ADRA1A: variants seen among roughly 807,000 people sequenced by gnomAD.
ADRA1A encodes the protein adrenoceptor alpha 1A, also known as alpha-1A adrenergic receptor.
A neutral mutation model predicts 29.6 loss-of-function variants in ADRA1A; 31 were observed. The observed-to-expected ratio is 1.05, with a 90% CI of 0.79 to 1.41. The LOEUF (loss-of-function observed/expected upper bound fraction) is 1.41, where lower values mean the gene tolerates loss of function less well. ADRA1A is among the 40% of genes most tolerant of loss of function. The pLI, the probability that ADRA1A is intolerant of heterozygous loss-of-function variation, is 0.00. For synonymous variants in ADRA1A, 311 were observed against 254.3 expected (o/e 1.22, Z -2.12); for missense variants, 619 against 601.1 (o/e 1.03, Z -0.31).
chr8:26,788,728 T>C (rs36048812), intron 2 of ADRA1A, among the ~76,000 whole-genome samples: 14,089 of 152,066 alleles, frequency 0.093, 965 homozygotes, highest in East Asian at 0.33. Flanking sequence ...AGAGTGAAGC[T>C]GGGTTCAAAC....
intron 2 of ADRA1A, among the ~76,000 whole-genome samples, chr8:26,808,469 A>T (rs1349653369): frequency 6.6e-6 from 1 of 152,158 alleles, no homozygotes; most frequent in Non-Finnish European, 1.5e-5. Flanking sequence ...CTGATTGTTG[A>T]TGCCTTTTCT....
intron 2 of ADRA1A, among the ~76,000 whole-genome samples, chr8:26,844,640 T>G (rs1812069222): frequency 6.6e-6 from 1 of 152,166 alleles, no homozygotes; most frequent in African/African-American, 2.4e-5. Flanking sequence ...AAAGAATAAT[T>G]TCTTCAATAG....
chr8:26,766,689 G>C (rs533841957), downstream of ADRA1A, among the ~76,000 whole-genome samples: 1 of 152,288 alleles, frequency 6.6e-6, no homozygotes, highest in African/African-American at 2.4e-5. Flanking sequence ...TGCAGGTTGA[G>C]AATAGGGAGA....
intron 2 of ADRA1A, among the ~76,000 whole-genome samples, chr8:26,834,165 T>A (rs1430755412): frequency 1.3e-5 from 2 of 152,154 alleles, no homozygotes; most frequent in African/African-American, 4.8e-5. Flanking sequence ...AACTATAAAA[T>A]ACCAAGGGAT....
chr8:26,864,788 G>C lies in ADRA1A; in HGVS notation c.182C>G (p.Thr61Arg). The change falls in exon 2 of 3, where the codon ACG becomes AGG. Residue 61 changes from threonine to arginine, a missense_variant. Transcript: ENST00000380573. The surrounding 1 kb of genome is among the most constrained non-coding windows in gnomAD (Gnocchi z 8.1). ...VACHRHLHSV[T>R]HYYIVNLAVA... ...CGCCAGGTTGACGATGTAGTAGTGCGTGACTGAGTGCAGGTGTCGGTGACA... is the reference window on the plus strand; with the variant it reads ...CGCCAGGTTGACGATGTAGTAGTGCCTGACTGAGTGCAGGTGTCGGTGACA... 1 of 1,614,164 alleles carries C rather than the reference G, an allele frequency of 6.2e-7. No homozygotes were observed. Among genetic ancestry groups the C allele is most frequent in the Non-Finnish European group, 8.5e-7 (1 of 1,180,030 alleles).
chr8:26,785,480 C>T (rs1291029546), intron 2 of ADRA1A, among the ~76,000 whole-genome samples: 2 of 152,080 alleles, frequency 1.3e-5, no homozygotes, highest in Admixed American at 6.5e-5. Context: ...GTGAGCAAAA[C>T]GACTAGGTTA....
At chr8:26,774,207 CA>C (rs1806374877) in intron 2 of ADRA1A, among the ~76,000 whole-genome samples, 1 of 152,162 alleles carries the variant, frequency 6.6e-6, no homozygotes, top group African/African-American at 2.4e-5. Flanking sequence ...ATAGTTCCAC[CA>C]GGGGCAGGTT....
In ADRA1A at chr8:26,865,243, C is replaced by A; in HGVS notation, c.-274G>T. The A allele has an allele frequency of 7.7e-7, 1 of 1,301,212 alleles. No individual in the cohort carries two copies. The highest frequency in any genetic ancestry group is 9.8e-7 in the Non-Finnish European group (1 of 1,024,936). The allele number at this position is 1,301,212 out of a possible 1,614,324, so 80.6% of individuals were successfully genotyped here. On this transcript the variant is annotated 5_prime_UTR_variant, in exon 2 of 3. The change creates a new upstream start codon in the 5' untranslated region. Coordinates refer to ENST00000380573, the MANE Select transcript of ADRA1A (RefSeq NM_000680.4). This position sits in a 1 kb window ranked among gnomAD's most constrained non-coding sequence, Gnocchi z 7.6. ...GACCCTCTCCACCTGCCGGGCTGGC[C>A]TAGCCCGGGACCCGGACTCCCTCCC...
intron 2 of ADRA1A, among the ~76,000 whole-genome samples, chr8:26,820,950 T>G (rs922308729): frequency 7.9e-5 from 12 of 152,012 alleles, no homozygotes; most frequent in African/African-American, 2.9e-4. Context: ...AGAGCAGTGG[T>G]GCCATCTTAG....
chr8:26,754,340 ACT>A (rs1470949665), downstream of ADRA1A, among the ~76,000 whole-genome samples: 2 of 152,110 alleles, frequency 1.3e-5, no homozygotes, highest in African/African-American at 4.8e-5. Context: ...TGCATACCAA[ACT>A]CTCAGCACGA....
intron 2 of ADRA1A, among the ~76,000 whole-genome samples, chr8:26,822,676 T>C (rs1197595534): frequency 6.6e-6 from 1 of 152,244 alleles, no homozygotes; most frequent in Non-Finnish European, 1.5e-5. Context: ...TGTATTAGTC[T>C]GTTCTCACAT....
intron 2 of ADRA1A, among the ~76,000 whole-genome samples, chr8:26,804,925 C>T (rs1031203594): frequency 7.2e-5 from 11 of 152,132 alleles, no homozygotes; most frequent in African/African-American, 2.7e-4. Context: ...TCAGTGAGGG[C>T]AATGAAGGAT....
chr8:26,811,605 G>A (rs1809402535), intron 2 of ADRA1A, among the ~76,000 whole-genome samples: 3 of 152,194 alleles, frequency 2.0e-5, no homozygotes, highest in Non-Finnish European at 4.4e-5. Flanking sequence ...CAACTGATGG[G>A]AGCATAAAGT....
At chr8:26,755,532 C>A (rs1406889745), downstream of ADRA1A, among the ~76,000 whole-genome samples, 2 of 152,210 alleles carry the variant, frequency 1.3e-5, no homozygotes, top group South Asian at 2.1e-4. Context: ...CCCCAGCACA[C>A]GCCTGAGGTT....
intron 2 of ADRA1A, among the ~76,000 whole-genome samples, chr8:26,843,748 T>C (rs544902068): frequency 1.8e-4 from 28 of 152,308 alleles, no homozygotes; most frequent in Non-Finnish European, 3.7e-4. Context: ...GGCATTTTCA[T>C]CTTAAGGGAT....
intron 2 of ADRA1A, among the ~76,000 whole-genome samples, chr8:26,795,109 C>T (rs927380731): frequency 6.6e-6 from 1 of 152,050 alleles, no homozygotes; most frequent in Non-Finnish European, 1.5e-5. Context: ...ACACCATCTC[C>T]TACTAAAAAG....
Position 26,864,460 on chromosome 8 carries a change from G to C in ADRA1A, c.510C>G (p.Pro170=). The change falls in exon 2 of 3, where the codon CCC becomes CCG. Residue 170 remains proline, a synonymous_variant. Transcript: ENST00000380573. The surrounding 1 kb of genome is among the most constrained non-coding windows in gnomAD (Gnocchi z 8.1). ...GPLFGWRQPA[P]EDETICQINE... ...TGATCTGGCAGATGGTCTCGTCCTCGGGGGCCGGCTGCCTCCAGCCGAACA... is the reference window on the plus strand; with the variant it reads ...TGATCTGGCAGATGGTCTCGTCCTCCGGGGCCGGCTGCCTCCAGCCGAACA... The C allele has an allele frequency of 3.1e-6, 5 of 1,613,406 alleles. No individual in the cohort carries two copies. The highest frequency in any genetic ancestry group is 4.2e-6 in the Non-Finnish European group (5 of 1,180,026).
At chr8:26,845,661 G>T (rs112312992) in intron 2 of ADRA1A, among the ~76,000 whole-genome samples, 5,401 of 152,170 alleles carry the variant, frequency 0.035, 144 homozygotes, top group African/African-American at 0.076. Context: ...TATTCATAGT[G>T]GTCACAAGGC....
At chr8:26,781,039 T>C (rs1433352562) in intron 2 of ADRA1A, among the ~76,000 whole-genome samples, 1 of 152,246 alleles carries the variant, frequency 6.6e-6, no homozygotes, top group African/African-American at 2.4e-5. Context: ...GCAATGCGCT[T>C]GAATCATCCT....
Sources: allele counts gnomAD v4.1 joint callset (sites outside exome capture counted in the v4.1 genomes callset), GRCh38; gene constraint gnomAD v4.1.1; non-coding constraint Gnocchi (gnomAD v3.1); transcripts MANE v1.5; gene names NCBI Gene and HGNC (gene_info 2026-07-23, HGNC 2026-07-21).